The following EPHX2 variants were observed in gnomAD, a reference collection of about 807,000 sequenced individuals.
EPHX2 encodes the protein bifunctional epoxide hydrolase 2.
A neutral mutation model predicts 78.7 loss-of-function variants in EPHX2; 74 were observed. That is an observed-to-expected ratio of 0.94 (90% confidence interval 0.78 to 1.14). EPHX2 has a LOEUF of 1.14. EPHX2 is among the 50% of genes most tolerant of loss of function. The probability of loss-of-function intolerance (pLI) is 0.00; values close to 1 mark genes in which losing one functional copy is unlikely to be tolerated. For synonymous variants in EPHX2, 251 were observed against 255.2 expected (o/e 0.98, Z 0.16); for missense variants, 715 against 702.5 (o/e 1.02, Z -0.20).
chr8:27,517,893 C>G lies in EPHX2; in HGVS notation c.911-145C>G, dbSNP rs1323743066. 15 of 660,052 alleles carry G rather than the reference C, an allele frequency of 2.3e-5. No individual in the cohort carries two copies. The East Asian group carries it at 4.3e-4, about 19-fold the overall frequency. The allele number at this position is 660,052 out of a possible 1,614,324, so 40.9% of individuals were successfully genotyped here. On this transcript the variant is annotated intron_variant, in intron 8 of 18. Transcript: ENST00000521400. ...AAGCAAAAGCAAACACTCGAGTCTA[C>G]CTCAGTCTAAGGATTTAGTAAGTTT...
At chr8:27,533,221 A>C (rs141435378) in intron 12 of EPHX2, among the ~76,000 whole-genome samples, 3 of 152,318 alleles carry the variant, frequency 2.0e-5, no homozygotes, top group African/African-American at 7.2e-5. Context: ...TAATCCTTAC[A>C]AAATCCCCAT....
intron 16 of EPHX2, among the ~76,000 whole-genome samples, chr8:27,542,681 G>T (rs1815440611): frequency 6.6e-6 from 1 of 152,050 alleles, no homozygotes; most frequent in Non-Finnish European, 1.5e-5. Context: ...TTGCTCAGTT[G>T]CCCAGGCTAG....
chr8:27,505,857 G>A (rs1042813317), intron 4 of EPHX2, among the ~76,000 whole-genome samples: 3 of 152,152 alleles, frequency 2.0e-5, no homozygotes, highest in Non-Finnish European at 4.4e-5. Context: ...TCTTCCTATC[G>A]ATGGCTTCCA....
intron 5 of EPHX2, among the ~76,000 whole-genome samples, chr8:27,509,386 T>C (rs575340380): frequency 2.0e-5 from 3 of 152,276 alleles, no homozygotes; most frequent in African/African-American, 7.2e-5. Flanking sequence ...CTTCTGTGTG[T>C]ATACCTACGA....
At chr8:27,538,778 C>T (rs1815294145) in intron 14 of EPHX2, 86 bp downstream of exon 14, 1 of 1,472,536 alleles carries the variant, frequency 6.8e-7, no homozygotes, top group Non-Finnish European at 9.5e-7. Flanking sequence ...TGGGCAGAAG[C>T]CCTGAGCTCT....
intron 12 of EPHX2, among the ~76,000 whole-genome samples, chr8:27,535,221 G>C (rs1815174337): frequency 6.6e-6 from 1 of 151,926 alleles, no homozygotes; most frequent in African/African-American, 2.4e-5. Flanking sequence ...TTTTTGCCCA[G>C]GCTGGAGTGC....
chr8:27,543,725 T>C (rs1585227717), intron 16 of EPHX2, 24 bp from the exon 17 acceptor site: 1 of 1,613,278 alleles, frequency 6.2e-7, no homozygotes, highest in East Asian at 2.2e-5. Flanking sequence ...TGCTGGCCAC[T>C]TCTGTTTCCT....
In EPHX2 at chr8:27,544,722, T is replaced by C. The variant is rs1026439504; in HGVS notation, c.*200T>C. 45 of 606,394 alleles carry C rather than the reference T, an allele frequency of 7.4e-5. No homozygotes were observed. In the African/African-American group the frequency reaches 7.8e-4, roughly 10 times the overall value. The allele number at this position is 606,394 out of a possible 1,614,324, so 37.6% of individuals were successfully genotyped here. ...TTTTAGATCCCAGAGAAATCAGGTG[T>C]GATTAGTTCTCCAGGCATGAATGCA... On this transcript the variant is annotated 3_prime_UTR_variant, in exon 19 of 19. Coordinates refer to ENST00000521400, the MANE Select transcript of EPHX2 (RefSeq NM_001979.6).
chr8:27,515,248 G>A (rs1307956588), intron 6 of EPHX2, among the ~76,000 whole-genome samples: 2 of 152,062 alleles, frequency 1.3e-5, no homozygotes, highest in East Asian at 1.9e-4. Flanking sequence ...TTCAAACTGC[G>A]AGCCTATATT....
chr8:27,502,856 A>T (rs1813850601), intron 2 of EPHX2, among the ~76,000 whole-genome samples: 1 of 152,110 alleles, frequency 6.6e-6, no homozygotes, highest in African/African-American at 2.4e-5. Context: ...ACATCATGAG[A>T]CTCTGGGGGC....
chr8:27,518,710 C>G (rs894246176), intron 9 of EPHX2, among the ~76,000 whole-genome samples: 6 of 152,268 alleles, frequency 3.9e-5, no homozygotes, highest in Non-Finnish European at 7.3e-5. Context: ...CTCTGAGTCA[C>G]AGCCCTGTGG....
intron 9 of EPHX2, among the ~76,000 whole-genome samples, chr8:27,519,620 G>A (rs1814575630): frequency 6.6e-6 from 1 of 152,254 alleles, no homozygotes; most frequent in African/African-American, 2.4e-5. Context: ...GGGAAGGGAA[G>A]GGTGATGTCG....
At chr8:27,499,414 A>G (rs149488105) in intron 1 of EPHX2, among the ~76,000 whole-genome samples, 53 of 152,336 alleles carry the variant, frequency 3.5e-4, no homozygotes, top group Middle Eastern at 6.8e-3. Context: ...GGCCACAGAT[A>G]TTAGGTATAT....
intron 11 of EPHX2, among the ~76,000 whole-genome samples, chr8:27,524,958 A>T: frequency 6.7e-6 from 1 of 150,350 alleles, no homozygotes; most frequent in East Asian, 1.9e-4. Flanking sequence ...CTCAATCCAG[A>T]GGAGACACAA....
chr8:27,515,978 A>C (rs1814435504), intron 7 of EPHX2, among the ~76,000 whole-genome samples, 165 bp downstream of exon 7: 2 of 152,190 alleles, frequency 1.3e-5, no homozygotes, highest in South Asian at 4.1e-4. Flanking sequence ...CCTCAGGGCT[A>C]TGTTAGGCCA....
chr8:27,533,876 C>T (rs1275389866), intron 12 of EPHX2, among the ~76,000 whole-genome samples: 1 of 152,248 alleles, frequency 6.6e-6, no homozygotes, highest in Non-Finnish European at 1.5e-5. Flanking sequence ...GCTTGTGCCA[C>T]CACACCTAGA....
At chr8:27,541,596 G>A in intron 16 of EPHX2, 54 bp downstream of exon 16, 2 of 1,594,974 alleles carry the variant, frequency 1.3e-6, no homozygotes, top group Non-Finnish European at 1.7e-6. Flanking sequence ...CGCCCGCGGG[G>A]CTTCCCATTG....
At chr8:27,528,293 A>G (rs1437158445) in intron 12 of EPHX2, among the ~76,000 whole-genome samples, 1 of 152,122 alleles carries the variant, frequency 6.6e-6, no homozygotes, top group Non-Finnish European at 1.5e-5. Flanking sequence ...TTGGCAGGGA[A>G]ATGTTAGATA....
intron 5 of EPHX2, among the ~76,000 whole-genome samples, chr8:27,511,179 T>C (rs1210767977): frequency 6.6e-6 from 1 of 152,234 alleles, no homozygotes; most frequent in African/African-American, 2.4e-5. Flanking sequence ...TATTTTGTCA[T>C]GGCAGCCACA....
Sources: allele counts gnomAD v4.1 joint callset (sites outside exome capture counted in the v4.1 genomes callset), GRCh38; gene constraint gnomAD v4.1.1; transcripts MANE v1.5; gene names NCBI Gene and HGNC (gene_info 2026-07-23, HGNC 2026-07-21).